The following FBXL13 variants were observed in gnomAD, a reference collection of about 807,000 sequenced individuals.
The protein encoded by FBXL13 is F-box and leucine rich repeat protein 13, also known as F-box and leucine-rich repeat protein 13.
In FBXL13, 67 loss-of-function variants were observed where a neutral mutation model predicts 83.6. The observed-to-expected ratio is 0.80, with a 90% CI of 0.66 to 0.98. The LOEUF (loss-of-function observed/expected upper bound fraction) is 0.98. Ranked by LOEUF, FBXL13 falls within the 50% of genes least tolerant of loss-of-function variation. The pLI is 0.00. For missense variants in FBXL13, 822 were observed against 866.5 expected, an observed-to-expected ratio of 0.95 and a Z score of 0.64; for synonymous variants, 272 against 299.5, an observed-to-expected ratio of 0.91 and a Z score of 0.95.
chr7:103,007,334 T>C (rs981964342), intron 6 of FBXL13, among the ~76,000 whole-genome samples: 1 of 150,738 alleles, frequency 6.6e-6, no homozygotes, highest in Non-Finnish European at 1.5e-5. Flanking sequence ...AGAGAAATCT[T>C]AAAAGCAAGA....
At chr7:103,013,382 T>A (rs1791870441) in intron 6 of FBXL13, among the ~76,000 whole-genome samples, 1 of 152,114 alleles carries the variant, frequency 6.6e-6, no homozygotes. Flanking sequence ...CCACACATAT[T>A]GGACATAAAA....
chr7:102,854,786 A>C, exon 17 of FBXL13: 2 of 1,575,994 alleles, frequency 1.3e-6, no homozygotes, highest in Non-Finnish European at 1.7e-6. Context: ...CCTGAATTCC[A>C]TCATCAGTGA....
chr7:103,010,972 C>T (rs573331642), intron 6 of FBXL13, among the ~76,000 whole-genome samples: 3 of 151,962 alleles, frequency 2.0e-5, no homozygotes, highest in South Asian at 2.1e-4. Context: ...CAAGGCCAGT[C>T]GACAGACCAC....
At chr7:102,942,035 T>C (rs144934486) in intron 8 of FBXL13, among the ~76,000 whole-genome samples, 1 of 152,308 alleles carries the variant, frequency 6.6e-6, no homozygotes, top group Non-Finnish European at 1.5e-5. Context: ...GAAGGCCTTT[T>C]AATCTTGTTC....
At chr7:102,970,349 A>T (rs2411060) in intron 6 of FBXL13, among the ~76,000 whole-genome samples, 143,289 of 151,954 alleles carry the variant, frequency 0.94, 67,627 homozygotes, top group South Asian at 0.96. Context: ...CATTTTTTTT[A>T]AAAAAATGAA....
chr7:102,831,694 T>A (rs1800735092), intron 18 of FBXL13, among the ~76,000 whole-genome samples: 1 of 151,920 alleles, frequency 6.6e-6, no homozygotes, highest in Non-Finnish European at 1.5e-5. Flanking sequence ...TAAATCAGAT[T>A]TTTTTTTCCA....
intron 6 of FBXL13, among the ~76,000 whole-genome samples, chr7:103,015,310 C>T (rs1792155724): frequency 6.6e-6 from 1 of 152,150 alleles, no homozygotes; most frequent in Non-Finnish European, 1.5e-5. Context: ...TCTCATCACT[C>T]CTATTCAACA....
chr7:102,946,039 G>A (rs1009196641), intron 8 of FBXL13, among the ~76,000 whole-genome samples: 2 of 152,020 alleles, frequency 1.3e-5, no homozygotes, highest in Non-Finnish European at 2.9e-5. Flanking sequence ...TCACCACCAT[G>A]CCTGGCTAAT....
chr7:102,986,021 C>G (rs991252397), intron 6 of FBXL13, among the ~76,000 whole-genome samples: 1 of 151,750 alleles, frequency 6.6e-6, no homozygotes, highest in Non-Finnish European at 1.5e-5. Flanking sequence ...CACGATGCCC[C>G]CCCCCCATCA....
At chr7:102,927,872 A>AT (rs766572204) in intron 9 of FBXL13, among the ~76,000 whole-genome samples, 4 of 152,244 alleles carry the variant, frequency 2.6e-5, no homozygotes, top group Non-Finnish European at 4.4e-5. Context: ...CACAATGAAA[A>AT]TCTGTCTTTG....
intron 6 of FBXL13, among the ~76,000 whole-genome samples, chr7:103,019,778 T>C (rs1191902989): frequency 6.6e-6 from 1 of 152,048 alleles, no homozygotes; most frequent in African/African-American, 2.4e-5. Context: ...AACCAGAAGA[T>C]GTTGAATCCC....
At chr7:102,914,785 C>A (rs2129469326) in intron 10 of FBXL13, among the ~76,000 whole-genome samples, 1 of 152,270 alleles carries the variant, frequency 6.6e-6, no homozygotes, top group East Asian at 1.9e-4. Context: ...TGCTAATATC[C>A]CAAAGACACG....
intron 18 of FBXL13, among the ~76,000 whole-genome samples, chr7:102,825,681 A>T (rs571664510): frequency 1.3e-5 from 2 of 152,322 alleles, no homozygotes; most frequent in African/African-American, 4.8e-5. Context: ...GACCAGTTTC[A>T]CTGACCCCCT....
chr7:102,958,739 T>C (rs914563262), intron 8 of FBXL13, among the ~76,000 whole-genome samples: 12 of 151,924 alleles, frequency 7.9e-5, no homozygotes, highest in Non-Finnish European at 1.8e-4. Flanking sequence ...TTTTCAAAAA[T>C]GTATAACATG....
At chr7:102,933,932 G>A (rs1719454826) in intron 8 of FBXL13, 1 of 1,609,510 alleles carries the variant, frequency 6.2e-7, no homozygotes, top group Admixed American at 1.7e-5. Context: ...GGTTACCATT[G>A]TAATCTTGCT....
At chr7:103,022,323 C>T (rs1793284937) in intron 6 of FBXL13, among the ~76,000 whole-genome samples, 1 of 145,158 alleles carries the variant, frequency 6.9e-6, no homozygotes, top group Admixed American at 6.9e-5. Flanking sequence ...CACACCAGGG[C>T]CTGTAGTGGG....
intron 18 of FBXL13, among the ~76,000 whole-genome samples, chr7:102,823,076 C>A (rs191936198): frequency 5.9e-5 from 9 of 152,074 alleles, no homozygotes; most frequent in Admixed American, 3.3e-4. Flanking sequence ...GCCCTGCCCA[C>A]CCCCCACACA....
chr7:102,952,641 G>C (rs887921647), intron 8 of FBXL13, among the ~76,000 whole-genome samples: 1 of 152,154 alleles, frequency 6.6e-6, no homozygotes, highest in South Asian at 2.1e-4. Flanking sequence ...AGAAACAGAA[G>C]ATCTAAATAG....
At chr7:102,976,062 G>C in intron 6 of FBXL13, 1 of 766,378 alleles carries the variant, frequency 1.3e-6, no homozygotes. Context: ...CTGGAAGTTG[G>C]ACTGTGAGCG....
Sources: gnomAD v4.1 joint callset for allele counts (sites outside exome capture counted in the v4.1 genomes callset) on GRCh38, gnomAD v4.1.1 for gene constraint, MANE v1.5 for transcripts, NCBI Gene and HGNC (gene_info 2026-07-23, HGNC 2026-07-21) for gene names.